The following MUC6 variants were observed in gnomAD, a reference collection of about 807,000 sequenced individuals.
MUC6 encodes the protein mucin-6.
Under a neutral mutation model 201.5 loss-of-function variants are expected in MUC6, and 188 were observed. That is an observed-to-expected ratio of 0.93 (90% CI 0.83 to 1.05). The LOEUF (loss-of-function observed/expected upper bound fraction) is 1.05. Among genes scored for constraint, MUC6 ranks in the 50% least tolerant of loss-of-function variants. The pLI is 0.00. For synonymous variants in MUC6, 1,228 were observed against 1,389.4 expected (o/e 0.88, Z 2.58); for missense variants, 2,706 against 3,256.9 (o/e 0.83, Z 4.12).
In MUC6 at chr11:1,030,289, C is replaced by G. The variant is rs879169964; in HGVS notation, c.939G>C (p.Ser313=). The change falls in exon 8 of 33, where the codon TCG becomes TCC. Residue 313 remains serine (S), a synonymous_variant. Transcript: ENST00000421673. ...PANQVYQECG[S]ACVKTCSNPQ... The stretch of plus-strand genomic sequence containing the variant: ...GGTTGGAGCAGGTCTTCACGCAGGC[C>G]GAGCCGCACTCCTGGTACACCTGGT... The G allele has an allele frequency of 6.5e-7, 1 of 1,549,510 alleles. No individual in the cohort carries two copies. Among genetic ancestry groups the G allele is most frequent in the African/African-American group, 1.4e-5 (1 of 73,140 alleles).
At chr11:1,021,505 C>T (rs531421230) in intron 26 of MUC6, among the ~76,000 whole-genome samples, 16 of 152,000 alleles carry the variant, frequency 1.1e-4, no homozygotes, top group African/African-American at 3.6e-4. Flanking sequence ...CAGGTAGCTG[C>T]GATTGCAGGC....
At chr11:1,036,108 C>T (rs1004768090) in intron 1 of MUC6, among the ~76,000 whole-genome samples, 6 of 152,084 alleles carry the variant, frequency 3.9e-5, no homozygotes, top group African/African-American at 1.4e-4. Context: ...CTTCCCCCCT[C>T]TTCCCCCCAC....
At chr11:1,030,921 GC>G (rs1169654071) in intron 6 of MUC6, 25 bp downstream of exon 6, 1 of 1,549,442 alleles carries the variant, frequency 6.5e-7, no homozygotes. Context: ...CCTGGGGTCA[GC>G]CCCACCTGGA....
chr11:1,018,571 A>G lies in MUC6; in HGVS notation c.4230T>C (p.Pro1410=), dbSNP rs552000820. 10 of 1,611,266 alleles carry G rather than the reference A, an allele frequency of 6.2e-6. No individual in the cohort carries two copies. The highest frequency in any genetic ancestry group is 7.6e-6 in the Non-Finnish European group (9 of 1,178,788). Residue 1410 remains proline (P), a synonymous_variant, in exon 31 of 33, where the codon CCT becomes CCC. Transcript: ENST00000421673. Reference sequence around the variant, plus strand: ...TGGAAGGGACGGGACTCCCCGCCGTAGGCGGGGAGTGTGTGGTGTGTGGGG... The same window carrying G: ...TGGAAGGGACGGGACTCCCCGCCGTGGGCGGGGAGTGTGTGGTGTGTGGGG... ...PQTPHTTHSP[P]TAGSPVPSTG...
Position 1,027,362 on chromosome 11 carries a change from C to G in MUC6, c.2137G>C (p.Gly713Arg). 6.2e-7 allele frequency: 1 copy of G among 1,612,996 alleles called. No homozygotes were observed. The highest frequency in any genetic ancestry group is 1.7e-5 in the Admixed American group (1 of 60,032). The change falls in exon 17 of 33, where the codon GGC (glycine) becomes CGC (arginine). Residue 713 changes from glycine to arginine, a missense_variant. Transcript: ENST00000421673. ...CACTGGGCCTTGCGCACACACTCGC[C>G]CTTTTGGTTCAGGTAGGTGCCATCG... The part of the protein sequence containing the change: ...CPDGTYLNQK[G>R]ECVRKAQCPC...
intron 19 of MUC6, 150 bp downstream of exon 19, chr11:1,026,791 C>T: frequency 1.1e-6 from 1 of 903,894 alleles, no homozygotes; most frequent in Non-Finnish European, 1.6e-6. Context: ...CCTCCAGCTG[C>T]CTGGCCACAG....
chr11:1,019,788 G>C (rs775861283), intron 29 of MUC6: 42 of 621,216 alleles, frequency 6.8e-5, no homozygotes, highest in Non-Finnish European at 1.1e-4. Flanking sequence ...CTGGGCAGCA[G>C]ATGGGGCCCT....
intron 26 of MUC6, among the ~76,000 whole-genome samples, chr11:1,022,581 C>G (rs1452073349): frequency 6.6e-6 from 1 of 152,224 alleles, no homozygotes; most frequent in South Asian, 2.1e-4. Flanking sequence ...TTTCTCCTCT[C>G]CATGGTGGGC....
chr11:1,020,286 G>A, intron 28 of MUC6, 29 bp from the exon 29 acceptor site: 1 of 1,585,166 alleles, frequency 6.3e-7, no homozygotes, highest in Non-Finnish European at 8.6e-7. Context: ...CATCAGGGCT[G>A]CAGGGTACCG....
In MUC6 at chr11:1,027,980, A is replaced by G; in HGVS notation, c.1833T>C (p.Pro611=). The G allele has an allele frequency of 6.3e-7, 1 of 1,579,166 alleles. No homozygotes were observed. The highest frequency in any genetic ancestry group is 1.3e-5 in the African/African-American group (1 of 74,124). Residue 611 remains proline (P), a synonymous_variant, in exon 15 of 33, where the codon CCT becomes CCC. Transcript: ENST00000421673. The stretch of plus-strand genomic sequence containing the variant: ...GGGCCCTCACCTTGTAGAAGGGTGC[A>G]GGGTTCACTGTGGCGTGGCACCTCT... ...VFERCHATVN[P]APFYKRCVYQ... is the part of the protein sequence containing the mutation.
At position 1,029,320 on chromosome 11, in the gene MUC6, C is replaced by T. The variant is rs11604757; in HGVS notation, c.1183G>A (p.Gly395Arg). Residue 395 changes from glycine (G) to arginine (R), a missense_variant, in exon 10 of 33, where the codon GGA becomes AGA. Coordinates refer to ENST00000421673, the MANE Select transcript of MUC6 (RefSeq NM_005961.3). ...GAGCCACCTTCCAGGGAGCAGTGTC[C>T]GGGGCACGGCCGCTCCGTGCACACC... is the stretch of plus-strand genomic sequence containing the variant. The part of the protein sequence containing the change: ...RWVCTERPCP[G>R]HCSLEGGSFV... 167,390 of 1,604,418 alleles carry T rather than the reference C, an allele frequency of 0.1. 9,861 individuals carry two copies. The highest frequency in any genetic ancestry group is 0.12 in the Non-Finnish European group (144,402 of 1,176,364).
In MUC6 at chr11:1,018,406, A is replaced by G; in HGVS notation, c.4395T>C (p.Pro1465=). Residue 1465 remains proline (P), a synonymous_variant, in exon 31 of 33, where the codon CCT becomes CCC. Transcript: ENST00000421673. The stretch of plus-strand genomic sequence containing the variant: ...CAGATGTGGCCATCTGTGCGTGGGT[A>G]GGGGTGATGACTGTGTGAGTACTTG... The part of the protein sequence containing the change: ...VTPSTHTVIT[P]THAQMATSAS... The G allele has an allele frequency of 6.4e-7, 1 of 1,553,730 alleles. No homozygotes were observed. The highest frequency in any genetic ancestry group is 8.7e-7 in the Non-Finnish European group (1 of 1,154,880).
intron 2 of MUC6, 149 bp downstream of exon 2, chr11:1,032,864 T>G (rs776636832): frequency 1.0e-4 from 64 of 617,458 alleles, no homozygotes; most frequent in Middle Eastern, 8.6e-4. Flanking sequence ...GTGTGTGTGT[T>G]GGGTGTATGT....
intron 2 of MUC6, 34 bp from the exon 3 acceptor site, chr11:1,032,087 TC>T (rs753448945): frequency 1.7e-4 from 265 of 1,603,974 alleles, no homozygotes; most frequent in Non-Finnish European, 2.0e-4. Context: ...CAGCCCTGTG[TC>T]CCCACCATCC....
intron 4 of MUC6, 76 bp from the exon 5 acceptor site, chr11:1,031,335 C>A: frequency 7.3e-7 from 1 of 1,377,634 alleles, no homozygotes. Context: ...TCAGTTCCTG[C>A]TCCTGGACCC....
Position 1,033,157 on chromosome 11 carries a change from C to T in MUC6, c.53-82G>A, listed in dbSNP as rs574064514. On this transcript the variant is annotated intron_variant, in intron 1 of 32. Coordinates refer to ENST00000421673, the MANE Select transcript of MUC6 (RefSeq NM_005961.3). The surrounding 1 kb of genome is among the most constrained non-coding windows in gnomAD (Gnocchi z 5.6). ...CGCTCACCTCTGCTCAGGGCTGCTC[C>T]GCCCGTTTCCCTGCACACACTCGGC... is the stretch of plus-strand genomic sequence containing the variant. The T allele has an allele frequency of 3.2e-5, 44 of 1,378,312 alleles. No individual in the cohort carries two copies. The highest frequency in any genetic ancestry group is 1.8e-4 in the Middle Eastern group (1 of 5,606). 85.4% of individuals were successfully genotyped at this position (1,378,312 alleles called of 1,614,324 possible). A position where few individuals can be genotyped will look rare whatever the true frequency, so the allele number is the denominator to read the frequency against.
At chr11:1,021,348 G>A in intron 26 of MUC6, 71 bp from the exon 27 acceptor site, 1 of 1,085,040 alleles carries the variant, frequency 9.2e-7, no homozygotes, top group East Asian at 3.1e-5. Flanking sequence ...TTCCTGCCCT[G>A]GCGGCCTCCT....
At chr11:1,024,749 G>C in intron 24 of MUC6, 95 bp downstream of exon 24, 1 of 1,494,702 alleles carries the variant, frequency 6.7e-7, no homozygotes, top group South Asian at 1.3e-5. Context: ...GGATCCCACG[G>C]AGGGAGAACC....
In MUC6 at chr11:1,027,825, C is replaced by A; in HGVS notation, c.1849-8G>T. The A allele has an allele frequency of 6.2e-7, 1 of 1,608,298 alleles. No individual in the cohort carries two copies. The highest frequency in any genetic ancestry group is 8.5e-7 in the Non-Finnish European group (1 of 1,178,952). On this transcript the variant is annotated splice_region_variant and splice_polypyrimidine_tract_variant and intron_variant, in intron 15 of 32. Coordinates refer to ENST00000421673, the MANE Select transcript of MUC6 (RefSeq NM_005961.3). ...GGCCTGGTACACGCACCTCTGCGGG[C>A]AGAGAGCCAGCATGGGCTGGTGGCA... is the stretch of plus-strand genomic sequence containing the variant.
Sources: allele counts gnomAD v4.1 joint callset (sites outside exome capture counted in the v4.1 genomes callset), GRCh38; gene constraint gnomAD v4.1.1; non-coding constraint Gnocchi (gnomAD v3.1); transcripts MANE v1.5; gene names NCBI Gene and HGNC (gene_info 2026-07-23, HGNC 2026-07-21).